The following NUP35 variants were observed in gnomAD, a reference collection of about 807,000 sequenced individuals.
The protein encoded by NUP35 is nucleoporin 35.
NUP35 carries 25 observed loss-of-function variants against 41.5 expected under a neutral mutation model. That is an observed-to-expected ratio of 0.60 (90% CI 0.44 to 0.84). NUP35 has a LOEUF of 0.84. Among genes scored for constraint, NUP35 ranks in the 40% least tolerant of loss-of-function variants. The pLI is 0.00. For missense variants in NUP35, 396 were observed against 396.6 expected (o/e 1.00, Z 0.01); for synonymous variants, 149 against 130.7 (o/e 1.14, Z -0.96).
At chr2:183,134,400 G>T (rs886326138) in intron 4 of NUP35, among the ~76,000 whole-genome samples, 3 of 152,100 alleles carry the variant, frequency 2.0e-5, no homozygotes, top group Admixed American at 6.5e-5. Flanking sequence ...GCAGCAAAGG[G>T]GGGGAGGGGG....
In NUP35 at chr2:183,140,719, A is replaced by G. The variant is rs1219560947; in HGVS notation, c.397+7096A>G. ...ACACCTGTAATCCCAGCTACTCAGG[A>G]GGCTGAGGCAGGAGAATCAGTTGAA... On this transcript the variant is annotated intron_variant, in intron 4 of 8. Coordinates refer to ENST00000295119, the MANE Select transcript of NUP35 (RefSeq NM_138285.5). 2.7e-5 allele frequency among the ~76,000 whole-genome samples: 4 copies of G among 150,910 alleles called. No homozygotes were observed. In the East Asian group the frequency reaches 7.9e-4, roughly 30 times the overall value.
chr2:183,141,473 A>C (rs1261433316), intron 4 of NUP35, among the ~76,000 whole-genome samples: 1 of 152,226 alleles, frequency 6.6e-6, no homozygotes, highest in Non-Finnish European at 1.5e-5. Flanking sequence ...TTTCTCTTAA[A>C]GTAATTGAAG....
intron 4 of NUP35, 72 bp downstream of exon 4, chr2:183,133,695 A>G: frequency 9.7e-7 from 1 of 1,030,740 alleles, no homozygotes; most frequent in Non-Finnish European, 1.4e-6. Flanking sequence ...GCTGGAGTGC[A>G]GTGGTGTGAT....
intron 5 of NUP35, among the ~76,000 whole-genome samples, chr2:183,152,481 AT>A (rs1490793266): frequency 2.6e-5 from 4 of 152,042 alleles, no homozygotes; most frequent in African/African-American, 9.7e-5. Flanking sequence ...CATCATTCTT[AT>A]GCTTTTGCAT....
At chr2:183,144,739 A>T (rs1274778315) in intron 4 of NUP35, among the ~76,000 whole-genome samples, 1 of 152,186 alleles carries the variant, frequency 6.6e-6, no homozygotes, top group East Asian at 1.9e-4. Flanking sequence ...TGGGCATCAG[A>T]AGTCTGATTG....
chr2:183,140,656 T>TAC (rs550324502), intron 4 of NUP35, among the ~76,000 whole-genome samples: 100 of 151,996 alleles, frequency 6.6e-4, no homozygotes, highest in African/African-American at 2.3e-3. Context: ...ACCCCATCTC[T>TAC]ACAAAAACTA....
upstream of NUP35, among the ~76,000 whole-genome samples, chr2:183,121,688 T>A (rs1317167821): frequency 1.3e-5 from 2 of 150,536 alleles, no homozygotes; most frequent in Non-Finnish European, 3.0e-5. Flanking sequence ...AAAAAAAAAA[T>A]GAGTTGGGTG....
At chr2:183,157,592 T>C (rs1685714766) in intron 6 of NUP35, 79 bp downstream of exon 6, 2 of 995,834 alleles carry the variant, frequency 2.0e-6, no homozygotes, top group Admixed American at 2.3e-5. Flanking sequence ...GCTTCTGAAT[T>C]TTGTGGGTTT....
At chr2:183,128,226 C>A in intron 1 of NUP35, 61 bp from the exon 2 acceptor site, 2 of 1,313,266 alleles carry the variant, frequency 1.5e-6, no homozygotes, top group South Asian at 4.6e-5. Flanking sequence ...ATGTTTTTGT[C>A]ATCAACATGT....
chr2:183,126,320 A>G (rs2254867), intron 1 of NUP35, among the ~76,000 whole-genome samples: 16,398 of 152,186 alleles, frequency 0.11, 1,099 homozygotes, highest in Non-Finnish European at 0.15. Context: ...TGCGCCTTCT[A>G]CTGTGTCTGT....
At chr2:183,144,015 T>C (rs1685191333) in intron 4 of NUP35, among the ~76,000 whole-genome samples, 1 of 152,198 alleles carries the variant, frequency 6.6e-6, no homozygotes, top group African/African-American at 2.4e-5. Flanking sequence ...AATTAAGAGG[T>C]TACCAAGGCT....
intron 5 of NUP35, among the ~76,000 whole-genome samples, chr2:183,152,362 G>A (rs988258928): frequency 2.0e-5 from 3 of 151,896 alleles, no homozygotes; most frequent in East Asian, 1.9e-4. Context: ...TACATGATTC[G>A]TGAGACTTTG....
intron 1 of NUP35, among the ~76,000 whole-genome samples, chr2:183,124,993 C>T (rs958232432): frequency 6.7e-6 from 1 of 149,612 alleles, no homozygotes; most frequent in Admixed American, 6.6e-5. Flanking sequence ...CCGGGCTTTG[C>T]CAAAGGAATC....
chr2:183,134,717 G>T (rs1278033873), intron 4 of NUP35, among the ~76,000 whole-genome samples: 1 of 151,764 alleles, frequency 6.6e-6, no homozygotes, highest in East Asian at 1.9e-4. Context: ...CTGGGTTCAA[G>T]TGATTCTCCT....
At chr2:183,122,457 C>A (rs980480981), upstream of NUP35, among the ~76,000 whole-genome samples, 4 of 152,092 alleles carry the variant, frequency 2.6e-5, no homozygotes, top group African/African-American at 7.2e-5. Flanking sequence ...CCTAAATAAA[C>A]CCGTTATTAA....
chr2:183,132,120 C>T (rs945591493), intron 3 of NUP35, among the ~76,000 whole-genome samples: 3 of 152,046 alleles, frequency 2.0e-5, no homozygotes, highest in African/African-American at 7.2e-5. Context: ...ACATCCTGGG[C>T]TCAAGTGATC....
At chr2:183,152,431 C>T (rs1424695430) in intron 5 of NUP35, among the ~76,000 whole-genome samples, 1 of 152,008 alleles carries the variant, frequency 6.6e-6, no homozygotes, top group Non-Finnish European at 1.5e-5. Context: ...TATCCGTCAC[C>T]CCTTTCCCAC....
chr2:183,159,705 C>T, intron 8 of NUP35, 53 bp downstream of exon 8: 12 of 1,382,658 alleles, frequency 8.7e-6, no homozygotes, highest in Non-Finnish European at 1.0e-5. Context: ...GAGTGCATAG[C>T]ATGCTTAACT....
At chr2:183,158,449 A>G (rs1340351295) in intron 7 of NUP35, 38 bp downstream of exon 7, 1 of 1,536,484 alleles carries the variant, frequency 6.5e-7, no homozygotes, top group Non-Finnish European at 8.8e-7. Flanking sequence ...AGCTTAATCT[A>G]TATGAAGAGC....
Sources: gnomAD v4.1 joint callset for allele counts (sites outside exome capture counted in the v4.1 genomes callset) on GRCh38, gnomAD v4.1.1 for gene constraint, MANE v1.5 for transcripts, NCBI Gene and HGNC (gene_info 2026-07-23, HGNC 2026-07-21) for gene names.